The following THSD7B variants were observed in gnomAD, a reference collection of about 807,000 sequenced individuals.
The protein encoded by THSD7B is thrombospondin type-1 domain-containing protein 7B.
THSD7B carries 138 observed loss-of-function variants against 213.6 expected under a neutral mutation model. The observed-to-expected ratio is 0.65, with a 90% CI of 0.56 to 0.74. THSD7B has a LOEUF of 0.74. Ranked by LOEUF, THSD7B falls within the 30% of genes least tolerant of loss-of-function variation. THSD7B has a pLI of 0.00. For synonymous variants in THSD7B, 742 were observed against 687.0 expected (o/e 1.08, Z -1.25); for missense variants, 1,931 against 1,991.5 (o/e 0.97, Z 0.58).
At chr2:137,019,335 G>A (rs1396142105) in intron 2 of THSD7B, among the ~76,000 whole-genome samples, 2 of 152,158 alleles carry the variant, frequency 1.3e-5, no homozygotes, top group Non-Finnish European at 1.5e-5. Flanking sequence ...TTGGTACTCA[G>A]TATTTATGTG....
chr2:137,380,488 C>T (rs540108548), intron 12 of THSD7B, among the ~76,000 whole-genome samples: 8 of 152,232 alleles, frequency 5.3e-5, no homozygotes, highest in South Asian at 4.1e-4. Flanking sequence ...CATAAGCTAA[C>T]AATTGAACTG....
chr2:137,579,742 GA>G (rs1681536688), intron 17 of THSD7B, among the ~76,000 whole-genome samples: 1 of 152,050 alleles, frequency 6.6e-6, no homozygotes. Context: ...TGCTGATTTG[GA>G]ATTCAGTACT....
At chr2:137,554,019 A>T (rs1358345766) in intron 15 of THSD7B, among the ~76,000 whole-genome samples, 1 of 124,094 alleles carries the variant, frequency 8.1e-6, no homozygotes, top group Admixed American at 8.2e-5. Context: ...TTCTTAAAAG[A>T]TAGCTACTTT....
intron 15 of THSD7B, among the ~76,000 whole-genome samples, chr2:137,508,543 A>ATT (rs70978232): frequency 0.012 from 1,535 of 132,348 alleles, 23 homozygotes; most frequent in African/African-American, 0.034. Context: ...TGCCCGGCTA[A>ATT]TTTTTTTTTT....
intron 21 of THSD7B, among the ~76,000 whole-genome samples, chr2:137,653,525 G>A (rs1032764387): frequency 6.6e-6 from 1 of 150,778 alleles, no homozygotes; most frequent in Admixed American, 6.7e-5. Flanking sequence ...TCGACGCTTT[G>A]CTCTTGCTCA....
intron 14 of THSD7B, among the ~76,000 whole-genome samples, chr2:137,446,669 A>T (rs181913136): frequency 6.6e-6 from 1 of 152,182 alleles, no homozygotes; most frequent in Non-Finnish European, 1.5e-5. Flanking sequence ...AGAACACTAA[A>T]GTATCCCTAG....
chr2:137,371,336 C>T (rs563939804), intron 12 of THSD7B, among the ~76,000 whole-genome samples: 16 of 152,286 alleles, frequency 1.1e-4, no homozygotes, highest in African/African-American at 3.6e-4. Flanking sequence ...TCCGTTCTCA[C>T]ACTTGAATAA....
In THSD7B at chr2:136,904,305, C is replaced by G. The variant is rs1178862203; in HGVS notation, c.139+21988C>G. ...GAAAGTGTCTGAGTAAATGAGTCATCCAGTCATCCTGATCCTAGACATGGA... is the reference window on the plus strand; with the variant it reads ...GAAAGTGTCTGAGTAAATGAGTCATGCAGTCATCCTGATCCTAGACATGGA... On this transcript the variant is annotated intron_variant, in intron 2 of 27. Coordinates refer to ENST00000409968, the MANE Select transcript of THSD7B (RefSeq NM_001316349.2). Among the ~76,000 whole-genome samples, 3 of 152,000 alleles carry G rather than the reference C, an allele frequency of 2.0e-5. No homozygotes were observed. The East Asian group carries it at 5.8e-4, about 29-fold the overall frequency.
intron 1 of THSD7B, among the ~76,000 whole-genome samples, chr2:136,881,433 G>T (rs185896320): frequency 9.7e-4 from 147 of 152,140 alleles, no homozygotes; most frequent in African/African-American, 3.5e-3. Context: ...GCCTTCAGTG[G>T]GTGAGGATTG....
chr2:137,352,198 A>T (rs1685029814), intron 12 of THSD7B, among the ~76,000 whole-genome samples: 1 of 151,748 alleles, frequency 6.6e-6, no homozygotes, highest in African/African-American at 2.4e-5. Flanking sequence ...GAGAGGAGAT[A>T]AAAAAATTTT....
intron 13 of THSD7B, among the ~76,000 whole-genome samples, chr2:137,408,289 C>G (rs13021858): frequency 0.56 from 85,199 of 151,892 alleles, 27,068 homozygotes; most frequent in East Asian, 0.77. Context: ...CTTTTTTCTC[C>G]TCCTCCCTCT....
intron 2 of THSD7B, among the ~76,000 whole-genome samples, chr2:137,028,247 T>C (rs1464959454): frequency 2.0e-5 from 3 of 152,196 alleles, no homozygotes; most frequent in African/African-American, 7.2e-5. Context: ...TATGAGCATA[T>C]GGAACTTTAT....
At chr2:136,939,919 C>G (rs1388444504) in intron 2 of THSD7B, among the ~76,000 whole-genome samples, 3 of 150,126 alleles carry the variant, frequency 2.0e-5, no homozygotes, top group Admixed American at 6.7e-5. Flanking sequence ...TCCTGAAGTA[C>G]CAAGTGGTGA....
chr2:137,405,045 C>A lies in THSD7B; in HGVS notation c.2501-568C>A, dbSNP rs532169773. On this transcript the variant is annotated intron_variant, in intron 12 of 27. Coordinates refer to ENST00000409968, the MANE Select transcript of THSD7B (RefSeq NM_001316349.2). ...AAAATATATTTGCAATGGAAATGAT[C>A]TGAATAGACTATGCTTGTGCTTGAA... 1.3e-4 allele frequency among the ~76,000 whole-genome samples: 19 copies of A among 150,992 alleles called. No homozygotes were observed. The South Asian group carries it at 4.0e-3, about 32-fold the overall frequency.
intron 2 of THSD7B, among the ~76,000 whole-genome samples, chr2:136,948,962 G>GT (rs762109827): frequency 7.9e-5 from 12 of 152,024 alleles, no homozygotes; most frequent in Non-Finnish European, 1.5e-4. Flanking sequence ...GACACTATTG[G>GT]TTTTTTAAAA....
chr2:136,779,174 C>T (rs1041539196), intron 1 of THSD7B, among the ~76,000 whole-genome samples: 2 of 148,178 alleles, frequency 1.3e-5, no homozygotes, highest in African/African-American at 2.5e-5. Context: ...TTTGGGGACA[C>T]GTGTTAAAAG....
At chr2:137,014,839 C>T (rs1219763678) in intron 2 of THSD7B, among the ~76,000 whole-genome samples, 1 of 152,090 alleles carries the variant, frequency 6.6e-6, no homozygotes, top group Non-Finnish European at 1.5e-5. Context: ...TCTTCAATTT[C>T]CTTCACTGCA....
At chr2:137,423,497 T>C (rs1412429109) in intron 14 of THSD7B, among the ~76,000 whole-genome samples, 2 of 151,940 alleles carry the variant, frequency 1.3e-5, no homozygotes, top group African/African-American at 4.8e-5. Context: ...ACACTAACAA[T>C]GAACAATCAG....
intron 7 of THSD7B, among the ~76,000 whole-genome samples, chr2:137,226,959 T>G (rs897155991): frequency 6.6e-6 from 1 of 152,152 alleles, no homozygotes; most frequent in African/African-American, 2.4e-5. Flanking sequence ...TCCAAAATAC[T>G]ATGCTTAAAG....
Sources: allele counts gnomAD v4.1 joint callset (sites outside exome capture counted in the v4.1 genomes callset), GRCh38; gene constraint gnomAD v4.1.1; transcripts MANE v1.5; gene names NCBI Gene and HGNC (gene_info 2026-07-23, HGNC 2026-07-21).